Variants in FBN3 observed in about 807,000 individuals in gnomAD.
The protein encoded by FBN3 is fibrillin-3.
FBN3 carries 234 observed loss-of-function variants against 330.1 expected under a neutral mutation model. That is an observed-to-expected ratio of 0.71 (90% CI 0.64 to 0.79). The LOEUF is 0.79. FBN3 is among the 30% of genes least tolerant of loss of function. FBN3 has a pLI of 0.00. For synonymous variants in FBN3, 1,458 were observed against 1,517.3 expected (o/e 0.96, Z 0.91); for missense variants, 3,606 against 3,886.9 (o/e 0.93, Z 1.92).
chr19:8,093,394 C>T (rs758450708), intron 47 of FBN3, among the ~76,000 whole-genome samples: 32 of 152,010 alleles, frequency 2.1e-4, no homozygotes, highest in Middle Eastern at 3.2e-3. Flanking sequence ...GAGGCCAAGG[C>T]GGGCAGATCA....
rs371313814 is a variant in FBN3 at position 8,126,320 on chromosome 19, C to T, written c.2582G>A (p.Arg861Gln). 1.4e-5 allele frequency: 22 copies of T among 1,590,022 alleles called. No homozygotes were observed. In the African/African-American group the frequency reaches 1.5e-4, roughly 11 times the overall value. The change falls in exon 21 of 64, where the codon CGG becomes CAG. Residue 861 changes from arginine to glutamine, a missense_variant. Physicochemically the swap from Arg to Gln is conservative, Grantham distance 43. Transcript: ENST00000600128. ...IDPACARGFA[R>Q]MTGVTCDDVN... ...ACCATCGCAGGTGACACCCGTCATC[C>T]GGGCAAAGCCCCGGGCACAGGCAGG...
intron 38 of FBN3, among the ~76,000 whole-genome samples, chr19:8,105,300 C>T (rs1033071499): frequency 5.3e-5 from 8 of 151,034 alleles, no homozygotes; most frequent in Non-Finnish European, 8.8e-5. Context: ...TTCTGTCACC[C>T]AGGCTGGAGT....
chr19:8,126,040 C>T lies in FBN3; in HGVS notation c.2606-23G>A, dbSNP rs200790924. The T allele has an allele frequency of 9.5e-5, 154 of 1,613,608 alleles. No individual in the cohort carries two copies. In the African/African-American group the frequency reaches 1.7e-3, roughly 18 times the overall value. ...CATCTGGGTAAGGAGGAGGGAAAGC[C>T]GGAGGGTCCAGGGAGGGGAAGGGTG... On this transcript the variant is annotated intron_variant, in intron 21 of 63. Transcript: ENST00000600128.
At position 8,096,594 on chromosome 19, in the gene FBN3, T is replaced by C; in HGVS notation, c.5414-25A>G. 1 of 1,590,214 alleles carries C rather than the reference T, an allele frequency of 6.3e-7. No individual in the cohort carries two copies. Among genetic ancestry groups the C allele is most frequent in the Non-Finnish European group, 8.6e-7 (1 of 1,168,384 alleles). The stretch of plus-strand genomic sequence containing the variant: ...CCTGGGGGTGCAGAGAGCATGGTGT[T>C]CCCAGGGCTCCTACCACAGTGTTTG... On this transcript the variant is annotated intron_variant, in intron 43 of 63. Transcript: ENST00000600128. This position sits in a 1 kb window ranked among gnomAD's most constrained non-coding sequence, Gnocchi z 4.6.
intron 63 of FBN3, among the ~76,000 whole-genome samples, chr19:8,069,897 A>C (rs1305310064): frequency 6.6e-6 from 1 of 152,196 alleles, no homozygotes; most frequent in Non-Finnish European, 1.5e-5. Context: ...TGAGGCCAGG[A>C]GTTTGAGACC....
rs148374540 is a variant in FBN3, at chr19:8,073,274, G to A, written c.7726C>T (p.Pro2576Ser). Residue 2576 changes from proline (P) to serine (S), a missense_variant, in exon 62 of 64, where the codon CCC becomes TCC. Pro to Ser is a moderately conservative substitution (Grantham distance 74). Coordinates refer to ENST00000600128, the MANE Select transcript of FBN3 (RefSeq NM_032447.5). Reference sequence around the variant, plus strand: ...CAGGAGGCGCTCCCGCAGGTGGGGGGCGACAGGGCACACTCATTCTCATCT... The same window carrying A: ...CAGGAGGCGCTCCCGCAGGTGGGGGACGACAGGGCACACTCATTCTCATCT... Reference protein sequence around the residue: ...CVDENECALSPPTCGSASCRN... With the variant: ...CVDENECALSSPTCGSASCRN... 2.8e-5 allele frequency: 45 copies of A among 1,613,910 alleles called. No individual in the cohort carries two copies. Among genetic ancestry groups the A allele is most frequent in the Non-Finnish European group, 3.5e-5 (41 of 1,179,952 alleles).
intron 41 of FBN3, among the ~76,000 whole-genome samples, chr19:8,099,041 AT>A (rs2082271405): frequency 6.6e-6 from 1 of 152,150 alleles, no homozygotes; most frequent in African/African-American, 2.4e-5. Flanking sequence ...TCAAGACACA[AT>A]TTGGACGAAA....
intron 58 of FBN3, 104 bp downstream of exon 58, chr19:8,081,254 C>A (rs2081775543): frequency 1.3e-6 from 2 of 1,495,690 alleles, no homozygotes; most frequent in South Asian, 2.5e-5. Flanking sequence ...TGACTCCATG[C>A]AGATGGGAGG....
In FBN3 at chr19:8,109,750, A is replaced by C; in HGVS notation, c.4337T>G (p.Ile1446Ser). 1.3e-6 allele frequency: 2 copies of C among 1,510,984 alleles called. No individual in the cohort carries two copies. Among genetic ancestry groups the C allele is most frequent in the Non-Finnish European group, 1.8e-6 (2 of 1,129,340 alleles). The allele number at this position is 1,510,984 out of a possible 1,614,324, so 93.6% of individuals were successfully genotyped here. A position where few individuals can be genotyped will look rare whatever the true frequency, so the allele number is the denominator to read the frequency against. Reference sequence around the variant, plus strand: ...GTTTACTGGGTCTGCACACTCGTTGATGTCTGTAGGGAGGAAGCGCGGTCC... The same window carrying C: ...GTTTACTGGGTCTGCACACTCGTTGCTGTCTGTAGGGAGGAAGCGCGGTCC... ...LDRGGGNCTDINECADPVNCI... is the reference protein window; with the variant it reads ...LDRGGGNCTDSNECADPVNCI... Residue 1446 changes from isoleucine (I) to serine (S), a missense_variant, in exon 35 of 64, where the codon ATC becomes AGC. Physicochemically the swap from Ile to Ser is moderately radical, Grantham distance 142 (BLOSUM62 -2). Coordinates refer to ENST00000600128, the MANE Select transcript of FBN3 (RefSeq NM_032447.5). The surrounding 1 kb of genome is among the most constrained non-coding windows in gnomAD (Gnocchi z 5.2).
At chr19:8,100,828 G>T in intron 41 of FBN3, 73 bp downstream of exon 41, 1 of 1,173,532 alleles carries the variant, frequency 8.5e-7, no homozygotes, top group Non-Finnish European at 1.3e-6. Context: ...GAGCTGTTGA[G>T]GAGGGGAGGG....
At chr19:8,135,936 G>GTCAC in intron 13 of FBN3, 25 bp downstream of exon 13, 1 of 668,778 alleles carries the variant, frequency 1.5e-6, no homozygotes, top group Non-Finnish European at 2.4e-6. Flanking sequence ...GGAAGCCCCT[G>GTCAC]CCCACCCGCC....
chr19:8,108,049 G>A (rs928924426), intron 37 of FBN3, 121 bp downstream of exon 37: 35 of 727,584 alleles, frequency 4.8e-5, no homozygotes, highest in Non-Finnish European at 8.0e-5. Flanking sequence ...CAGCCTCCAG[G>A]TGGAAAGATC....
Position 8,087,188 on chromosome 19 carries a change from G to A in FBN3, c.6643C>T (p.Gln2215Ter), listed in dbSNP as rs1169664177. The change falls in exon 54 of 64, where the codon CAG becomes TAG. Residue 2215 changes from glutamine to a stop codon, truncating the protein, a stop_gained. Transcript: ENST00000600128. LOFTEE classifies it high-confidence loss of function. The stretch of plus-strand genomic sequence containing the variant: ...ATGCCCCGGGCGTGGCAGTCCTGCT[G>A]ACCATCTGCACACTCGTCCACATCT... ...CRDVDECADG[Q>*]QDCHARGMEC... 5.6e-6 allele frequency: 9 copies of A among 1,603,820 alleles called. No individual in the cohort carries two copies. Among genetic ancestry groups the A allele is most frequent in the Non-Finnish European group, 7.6e-6 (9 of 1,176,588 alleles).
chr19:8,101,022 G>T, intron 40 of FBN3, 50 bp from the exon 41 acceptor site: 1 of 1,497,594 alleles, frequency 6.7e-7, no homozygotes, highest in Non-Finnish European at 9.2e-7. Context: ...CCTGACCCCA[G>T]CCCGCTCCCA....
intron 30 of FBN3, among the ~76,000 whole-genome samples, chr19:8,112,974 T>C (rs552030307): frequency 5.3e-5 from 8 of 152,236 alleles, no homozygotes; most frequent in Non-Finnish European, 1.0e-4. Context: ...CTGGAGTGGA[T>C]AGAATTGTGT....
chr19:8,125,746 G>A lies in FBN3; in HGVS notation c.2731+146C>T, dbSNP rs890212217. ...GCGGAAGTTACAGTGAGCCGAGATT[G>A]CGCCACTGCACTCCAGCCTGGGCGA... is the stretch of plus-strand genomic sequence containing the variant. On this transcript the variant is annotated intron_variant, in intron 22 of 63. Coordinates refer to ENST00000600128, the MANE Select transcript of FBN3 (RefSeq NM_032447.5). 29 of 833,378 alleles carry A rather than the reference G, an allele frequency of 3.5e-5. No homozygotes were observed. In the South Asian group the frequency reaches 6.7e-4, roughly 19 times the overall value. The allele number at this position is 833,378 out of a possible 1,614,324, so 51.6% of individuals were successfully genotyped here.
At position 8,110,776 on chromosome 19, in the gene FBN3, G is replaced by C. The variant is rs1343528815; in HGVS notation, c.4333+69C>G. 20 of 1,589,120 alleles carry C rather than the reference G, an allele frequency of 1.3e-5. No individual in the cohort carries two copies. The East Asian group carries it at 4.3e-4, about 34-fold the overall frequency. ...GAAAAGAGATCTGAGGGCAGTGAGGGAGTGAGCCATGTCCCCTGCCCCAAC... is the reference window on the plus strand; with the variant it reads ...GAAAAGAGATCTGAGGGCAGTGAGGCAGTGAGCCATGTCCCCTGCCCCAAC... On this transcript the variant is annotated intron_variant, in intron 34 of 63. Transcript: ENST00000600128.
In FBN3 at chr19:8,091,378, C is replaced by T. The variant is rs1306781790; in HGVS notation, c.6031+87G>A. 2.6e-6 allele frequency: 4 copies of T among 1,535,346 alleles called. No individual in the cohort carries two copies. In the East Asian group the frequency reaches 9.0e-5, roughly 35 times the overall value. On this transcript the variant is annotated intron_variant, in intron 48 of 63. Coordinates refer to ENST00000600128, the MANE Select transcript of FBN3 (RefSeq NM_032447.5). Reference sequence around the variant, plus strand: ...TGGTCAGAGCTCCCAAAGGGTCACACAAGAAACCACAGCCCTCTTTTCTGG... The same window carrying T: ...TGGTCAGAGCTCCCAAAGGGTCACATAAGAAACCACAGCCCTCTTTTCTGG...
In FBN3 at chr19:8,131,492, C is replaced by T; in HGVS notation, c.1990+62G>A. On this transcript the variant is annotated intron_variant, in intron 15 of 63. Transcript: ENST00000600128. The surrounding 1 kb of genome is among the most constrained non-coding windows in gnomAD (Gnocchi z 4.5). ...GGCAGCCATGACCCCCCACCAGAAGCGAGAACCGATGGAGGCATTCAGACC... is the reference window on the plus strand; with the variant it reads ...GGCAGCCATGACCCCCCACCAGAAGTGAGAACCGATGGAGGCATTCAGACC... The T allele has an allele frequency of 3.9e-6, 6 of 1,549,612 alleles. No individual in the cohort carries two copies. Among genetic ancestry groups the T allele is most frequent in the Non-Finnish European group, 4.4e-6 (5 of 1,142,630 alleles).
Sources: allele counts gnomAD v4.1 joint callset (sites outside exome capture counted in the v4.1 genomes callset), GRCh38; gene constraint gnomAD v4.1.1; non-coding constraint Gnocchi (gnomAD v3.1); transcripts MANE v1.5; gene names NCBI Gene and HGNC (gene_info 2026-07-23, HGNC 2026-07-21).